Variants in UMAD1 observed in about 807,000 individuals in gnomAD.
UMAD1 encodes the protein UBAP1-MVB12-associated (UMA) domain containing 1.
In UMAD1, 8 loss-of-function variants were observed where a neutral mutation model predicts 6.1. The ratio of observed to expected loss-of-function variants is 1.30; its 90% CI spans 0.76 to 2.35. The LOEUF (loss-of-function observed/expected upper bound fraction) is 2.35, where lower values mean the gene tolerates loss of function less well. Among genes scored for constraint, UMAD1 ranks in the 30% most tolerant of loss-of-function variants. The probability of loss-of-function intolerance (pLI) is 0.00; values close to 1 mark genes in which losing one functional copy is unlikely to be tolerated. For missense variants in UMAD1, 130 were observed against 78.4 expected (o/e 1.66, Z -2.49); for synonymous variants, 56 against 31.4 (o/e 1.78, Z -2.61).
At chr7:7,703,491 A>G (rs17169565) in intron 2 of UMAD1, among the ~76,000 whole-genome samples, 14,553 of 152,286 alleles carry the variant, frequency 0.096, 887 homozygotes, top group African/African-American at 0.17. Context: ...GATATAGCAC[A>G]TACACATAAT....
At position 7,862,487 on chromosome 7, in the gene UMAD1, A is replaced by G. The variant is rs572444920; in HGVS notation, c.157-14794A>G. 2.6e-5 allele frequency among the ~76,000 whole-genome samples: 4 copies of G among 152,352 alleles called. No individual in the cohort carries two copies. The East Asian group carries it at 5.8e-4, about 22-fold the overall frequency. On this transcript the variant is annotated intron_variant, in intron 3 of 3. Coordinates refer to ENST00000682710, the MANE Select transcript of UMAD1 (RefSeq NM_001302348.2). Reference sequence around the variant, plus strand: ...AGATACTTACAATAAATAAGGCTATATAAATGGGAAGTTAAGTATTAATAG... The same window carrying G: ...AGATACTTACAATAAATAAGGCTATGTAAATGGGAAGTTAAGTATTAATAG...
intron 3 of UMAD1, among the ~76,000 whole-genome samples, chr7:7,805,431 C>G (rs1286025251): frequency 6.6e-6 from 1 of 152,168 alleles, no homozygotes; most frequent in African/African-American, 2.4e-5. Flanking sequence ...CCATCTTGCC[C>G]TCTATATCCG....
chr7:7,842,119 A>C (rs1783692761), intron 3 of UMAD1, among the ~76,000 whole-genome samples: 1 of 152,164 alleles, frequency 6.6e-6, no homozygotes, highest in African/African-American at 2.4e-5. Flanking sequence ...ATCATTTTTG[A>C]TACTTTCAGC....
intron 3 of UMAD1, among the ~76,000 whole-genome samples, chr7:7,804,502 A>T (rs561305830): frequency 6.6e-6 from 1 of 152,070 alleles, no homozygotes; most frequent in African/African-American, 2.4e-5. Context: ...ATGAAACCCC[A>T]TCTCTACTAA....
intron 2 of UMAD1, among the ~76,000 whole-genome samples, chr7:7,685,127 A>G (rs1272525660): frequency 6.6e-6 from 1 of 152,180 alleles, no homozygotes; most frequent in Non-Finnish European, 1.5e-5. Flanking sequence ...TACAGTATGA[A>G]TATTCTACCT....
At chr7:7,653,801 C>T (rs956834335) in intron 1 of UMAD1, among the ~76,000 whole-genome samples, 5 of 152,180 alleles carry the variant, frequency 3.3e-5, no homozygotes, top group African/African-American at 1.2e-4. Flanking sequence ...AGACATTTTG[C>T]AATGTCTGCA....
At chr7:7,820,356 T>G (rs1384760637) in intron 3 of UMAD1, among the ~76,000 whole-genome samples, 12 of 152,250 alleles carry the variant, frequency 7.9e-5, no homozygotes, top group Admixed American at 7.9e-4. Context: ...AGGTATTGAT[T>G]ATAGCATCTA....
At chr7:7,799,889 C>G (rs1173084323) in intron 2 of UMAD1, among the ~76,000 whole-genome samples, 1 of 152,132 alleles carries the variant, frequency 6.6e-6, no homozygotes, top group African/African-American at 2.4e-5. Context: ...TATCTTGTCA[C>G]TGTTTTTATC....
intron 2 of UMAD1, among the ~76,000 whole-genome samples, chr7:7,793,670 A>T (rs1057208049): frequency 1.1e-4 from 16 of 152,200 alleles, no homozygotes; most frequent in Non-Finnish European, 1.3e-4. Flanking sequence ...CCCCAAATGC[A>T]TTAACAGGGA....
At chr7:7,859,437 T>G (rs560675486) in intron 3 of UMAD1, among the ~76,000 whole-genome samples, 127 of 152,298 alleles carry the variant, frequency 8.3e-4, no homozygotes, top group African/African-American at 2.9e-3. Context: ...GAATTACGAG[T>G]ATCTTTTCAG....
intron 2 of UMAD1, among the ~76,000 whole-genome samples, chr7:7,766,044 T>C (rs1781977487): frequency 1.3e-5 from 2 of 152,188 alleles, no homozygotes; most frequent in Admixed American, 1.3e-4. Flanking sequence ...TGGTCATTTG[T>C]TTGGGATGGA....
At chr7:7,741,675 G>A (rs1469812856) in intron 2 of UMAD1, among the ~76,000 whole-genome samples, 2 of 151,006 alleles carry the variant, frequency 1.3e-5, no homozygotes, top group African/African-American at 4.8e-5. Flanking sequence ...TGACAGTTGA[G>A]GTCCTCCCTG....
At chr7:7,782,301 A>T (rs764199966) in intron 2 of UMAD1, among the ~76,000 whole-genome samples, 2 of 152,068 alleles carry the variant, frequency 1.3e-5, no homozygotes, top group African/African-American at 4.8e-5. Context: ...ACGTATTCTC[A>T]TATACTTTTC....
At chr7:7,703,001 G>A (rs989409864) in intron 2 of UMAD1, among the ~76,000 whole-genome samples, 1 of 152,182 alleles carries the variant, frequency 6.6e-6, no homozygotes, top group African/African-American at 2.4e-5. Context: ...AGCCATGCGA[G>A]CAGGCAGAGC....
chr7:7,809,115 G>T (rs1343212518), intron 3 of UMAD1, among the ~76,000 whole-genome samples: 2 of 151,958 alleles, frequency 1.3e-5, no homozygotes, highest in South Asian at 2.1e-4. Flanking sequence ...AGCAGAAATA[G>T]TAATTAAGGT....
At chr7:7,733,157 T>C (rs1017198535) in intron 2 of UMAD1, among the ~76,000 whole-genome samples, 1 of 152,174 alleles carries the variant, frequency 6.6e-6, no homozygotes. Flanking sequence ...TAGCACACGA[T>C]ACCCAGTTGG....
At chr7:7,646,622 C>G (rs1448322559) in intron 1 of UMAD1, among the ~76,000 whole-genome samples, 1 of 151,604 alleles carries the variant, frequency 6.6e-6, no homozygotes, top group African/African-American at 2.4e-5. Context: ...TATAAATTAC[C>G]CAGTCTCAGG....
At chr7:7,707,284 C>T (rs970890000) in intron 2 of UMAD1, among the ~76,000 whole-genome samples, 2 of 152,096 alleles carry the variant, frequency 1.3e-5, no homozygotes, top group Admixed American at 6.6e-5. Context: ...ATGTTATCAC[C>T]AAGTTACTGT....
At chr7:7,834,959 A>T (rs1783537773) in intron 3 of UMAD1, among the ~76,000 whole-genome samples, 1 of 151,930 alleles carries the variant, frequency 6.6e-6, no homozygotes, top group Non-Finnish European at 1.5e-5. Flanking sequence ...AGAGAAAGCA[A>T]AGGAAGCCAC....
Sources: gnomAD v4.1 joint callset for allele counts (sites outside exome capture counted in the v4.1 genomes callset) on GRCh38, gnomAD v4.1.1 for gene constraint, MANE v1.5 for transcripts, NCBI Gene and HGNC (gene_info 2026-07-23, HGNC 2026-07-21) for gene names.